MYH6: variants seen among roughly 807,000 people sequenced by gnomAD.
MYH6 encodes the protein myosin heavy chain 6.
In MYH6, 126 loss-of-function variants were observed where a neutral mutation model predicts 223.2. The observed-to-expected ratio is 0.56, with a 90% CI of 0.49 to 0.65. The LOEUF is 0.65. MYH6 is among the 30% of genes least tolerant of loss of function. The pLI is 0.00. For missense variants in MYH6, 2,040 were observed against 2,536.4 expected, an observed-to-expected ratio of 0.80 and a Z score of 4.20; for synonymous variants, 978 against 1,010.2, an observed-to-expected ratio of 0.97 and a Z score of 0.61.
At position 23,382,519 on chromosome 14, in the gene MYH6, T is replaced by A; in HGVS notation, c.5705A>T (p.Gln1902Leu). 1 of 1,614,180 alleles carries A rather than the reference T, an allele frequency of 6.2e-7. No individual in the cohort carries two copies. The change falls in exon 38 of 39, where the codon CAG (glutamine) becomes CTG (leucine). Residue 1902 changes from glutamine (Q) to leucine (L), a missense_variant. Around this residue, in one of 4 missense-constraint regions of MYH6, gnomAD observed 1,203 missense variants for 1,400.2 expected, o/e 0.86. Coordinates refer to ENST00000405093, the MANE Select transcript of MYH6 (RefSeq NM_002471.4). The part of the protein sequence containing the change: ...NTNLSKFRKV[Q>L]HELDEAEERA... ...CTCCTCTGCCTCATCCAGCTCATGC[T>A]GCACCTTGCGGAACTTGGACAGGTT...
At position 23,389,668 on chromosome 14, in the gene MYH6, G is replaced by C; in HGVS notation, c.3784C>G (p.Arg1262Gly). Residue 1262 changes from arginine to glycine, a missense_variant, in exon 27 of 39, where the codon CGC becomes GGC. Physicochemically the swap from Arg to Gly is moderately radical, Grantham distance 125. Coordinates refer to ENST00000405093, the MANE Select transcript of MYH6 (RefSeq NM_002471.4). ...RTLEDQANEY[R>G]VKLEEAQRSL... The stretch of plus-strand genomic sequence containing the variant: ...CGTTGGGCCTCTTCTAGCTTCACGC[G>C]GTACTCATTGGCCTGGTCCTCCAGC... 6.2e-7 allele frequency: 1 copy of C among 1,614,148 alleles called. No individual in the cohort carries two copies.
At chr14:23,401,096 T>G in intron 12 of MYH6, 119 bp from the exon 13 acceptor site, 5 of 1,485,620 alleles carry the variant, frequency 3.4e-6, no homozygotes, top group Admixed American at 2.0e-5. Context: ...AGCCTCCACC[T>G]CCTGGGTTCA....
chr14:23,403,659 A>C (rs1440088739), intron 9 of MYH6, 56 bp downstream of exon 9: 6 of 1,504,474 alleles, frequency 4.0e-6, no homozygotes, highest in Non-Finnish European at 4.6e-6. Flanking sequence ...GCCGCCAGGC[A>C]GGGAGAGAAG....
Position 23,400,737 on chromosome 14 carries a change from A to T in MYH6, c.1382T>A (p.Leu461Gln). The change falls in exon 13 of 39, where the codon CTG (leucine) becomes CAG (glutamine). Residue 461 changes from leucine (L) to glutamine (Q), a missense_variant. By Grantham distance (113) the Leu-to-Gln change is moderately radical. Coordinates refer to ENST00000405093, the MANE Select transcript of MYH6 (RefSeq NM_002471.4). ...KQPRQYFIGV[L>Q]DIAGFEIFDF... ...GAAGATCTCGAAGCCAGCGATGTCC[A>T]GGACTCCTATGAAGTACTGGCGTGG... 6.2e-7 allele frequency: 1 copy of T among 1,614,268 alleles called. No individual in the cohort carries two copies. The highest frequency in any genetic ancestry group is 1.1e-5 in the South Asian group (1 of 91,086).
At chr14:23,404,858 C>T (rs1251806012) in intron 6 of MYH6, 36 bp from the exon 7 acceptor site, 2 of 1,590,968 alleles carry the variant, frequency 1.3e-6, no homozygotes, top group Non-Finnish European at 1.7e-6. Flanking sequence ...ACTCAGGATT[C>T]CTACTGTTCT....
At chr14:23,382,649 T>C in intron 37 of MYH6, 87 bp from the exon 38 acceptor site, 1 of 1,599,734 alleles carries the variant, frequency 6.3e-7, no homozygotes, top group Non-Finnish European at 8.6e-7. Flanking sequence ...CAGCTCCCTG[T>C]CCCTGAGGCA....
chr14:23,383,341 G>GGGGGGGGGGGCCCCCCCCCCCCCCCCCC, intron 36 of MYH6, 21 bp from the exon 37 acceptor site: 1 of 556,576 alleles, frequency 1.8e-6, no homozygotes. Flanking sequence ...GAGGGTGGGA[G>GGGGGGGGGGGCCCCCCCCCCCCCCCCCC]AAGCTGGTTT....
At chr14:23,397,974 T>C (rs912008946) in intron 15 of MYH6, among the ~76,000 whole-genome samples, 25 of 135,936 alleles carry the variant, frequency 1.8e-4, no homozygotes, top group African/African-American at 6.6e-4. Flanking sequence ...CTTCTTCTTC[T>C]TCTTCTTCTT....
intron 6 of MYH6, 23 bp from the exon 7 acceptor site, chr14:23,404,845 A>G (rs1891731827): frequency 1.9e-6 from 3 of 1,603,952 alleles, no homozygotes; most frequent in Non-Finnish European, 2.6e-6. Context: ...GAGACCAATC[A>G]AAACTCAGGA....
At chr14:23,386,267 G>A in intron 33 of MYH6, 48 bp downstream of exon 33, 2 of 1,613,862 alleles carry the variant, frequency 1.2e-6, no homozygotes, top group Non-Finnish European at 1.7e-6. Flanking sequence ...TGCTTCTCCA[G>A]GCCACATGGA....
At position 23,386,075 on chromosome 14, in the gene MYH6, G is replaced by A. The variant is rs767859497; in HGVS notation, c.5016C>T (p.Asn1672=). The stretch of plus-strand genomic sequence containing the variant: ...TGTTGCGCCGCTCCACGATGGCGAT[G>A]TTCTCCTTCAGGTCGTCGTTGGCAC... The part of the protein sequence containing the change: ...AVRANDDLKE[N]IAIVERRNNL... The change falls in exon 34 of 39, where the codon AAC becomes AAT. Residue 1672 remains asparagine (N), a synonymous_variant. Transcript: ENST00000405093. 7 of 1,614,130 alleles carry A rather than the reference G, an allele frequency of 4.3e-6. No individual in the cohort carries two copies. The highest frequency in any genetic ancestry group is 4.0e-5 in the African/African-American group (3 of 74,940).
At position 23,405,879 on chromosome 14, in the gene MYH6, C is replaced by T. The variant is rs1374554030; in HGVS notation, c.202-109G>A. On this transcript the variant is annotated intron_variant, in intron 3 of 38. Transcript: ENST00000405093. The surrounding 1 kb of genome is among the most constrained non-coding windows in gnomAD (Gnocchi z 4.7). ...GGACACAGGGACTTGGCCTTGCTCC[C>T]CTTGCTCTGACCAGTGCCCCGGCCC... 2.1e-6 allele frequency: 3 copies of T among 1,439,870 alleles called. No individual in the cohort carries two copies. The highest frequency in any genetic ancestry group is 1.7e-5 in the Admixed American group (1 of 58,178). The allele number at this position is 1,439,870 out of a possible 1,614,324, so 89.2% of individuals were successfully genotyped here. A position where few individuals can be genotyped will look rare whatever the true frequency, so the allele number is the denominator to read the frequency against.
At position 23,403,164 on chromosome 14, in the gene MYH6, G is replaced by A. The variant is rs185203310; in HGVS notation, c.898+184C>T. 4.2e-3 allele frequency among the ~76,000 whole-genome samples: 636 copies of A among 152,144 alleles called. 7 individuals carry two copies. Among genetic ancestry groups the A allele is most frequent in the African/African-American group, 0.014 (575 of 41,482 alleles). ...GAGGTGTGTGACTGCACAGGGAGGC[G>A]AGAGGAGACGCAGGTGGTCTTGGGA... is the stretch of plus-strand genomic sequence containing the variant. On this transcript the variant is annotated intron_variant, in intron 10 of 38. Transcript: ENST00000405093.
Position 23,383,232 on chromosome 14 carries a change from T to C in MYH6, c.5654A>G (p.Glu1885Gly), listed in dbSNP as rs1442362401. The C allele has an allele frequency of 2.5e-6, 4 of 1,586,402 alleles. No individual in the cohort carries two copies. The East Asian group carries it at 7.1e-5, about 28-fold the overall frequency. The stretch of plus-strand genomic sequence containing the variant: ...AGAAAGCTCTGAACTCACCGCCTCC[T>C]CGGCCTGGCGCTTGTAGGCCTTGAC... Reference protein sequence around the residue: ...LKVKAYKRQAEEAEEQANTNL... With the variant: ...LKVKAYKRQAGEAEEQANTNL... The change falls in exon 37 of 39, where the codon GAG (glutamate) becomes GGG (glycine). Residue 1885 changes from glutamate (E) to glycine (G), a missense_variant. Glu to Gly is a moderately conservative substitution (Grantham distance 98). Transcript: ENST00000405093.
In MYH6 at chr14:23,402,684, C is replaced by G. The variant is rs1245919362; in HGVS notation, c.1002+13G>C. On this transcript the variant is annotated intron_variant, in intron 11 of 38. Transcript: ENST00000405093. ...GGGGTCCCTCGAACGGCCGCAGCAG[C>G]CCCCTCACTCACATCGGTGGCCATG... 6.2e-7 allele frequency: 1 copy of G among 1,613,426 alleles called. No homozygotes were observed. Among genetic ancestry groups the G allele is most frequent in the South Asian group, 1.1e-5 (1 of 91,046 alleles).
intron 17 of MYH6, 40 bp downstream of exon 17, chr14:23,397,130 C>T: frequency 1.9e-6 from 3 of 1,614,188 alleles, no homozygotes; most frequent in Non-Finnish European, 1.7e-6. Flanking sequence ...AAAGTGGATG[C>T]CAGCTGTCCT....
Position 23,407,443 on chromosome 14 carries a change from CT to C in MYH6, c.-14+132del. 1 of 1,154,458 alleles carries C rather than the reference CT, an allele frequency of 8.7e-7. No homozygotes were observed. Among genetic ancestry groups the C allele is most frequent in the Non-Finnish European group, 1.2e-6 (1 of 844,376 alleles). The allele number at this position is 1,154,458 out of a possible 1,614,324, so 71.5% of individuals were successfully genotyped here. ...AGGACAATCTCTGTAAGGGGTTTCCCTGGGGTGGCATTGGCTGGAGTATGCT... is the reference window on the plus strand; with the variant it reads ...AGGACAATCTCTGTAAGGGGTTTCCCGGGGTGGCATTGGCTGGAGTATGCT... On this transcript the variant is annotated intron_variant, in intron 2 of 38. Coordinates refer to ENST00000405093, the MANE Select transcript of MYH6 (RefSeq NM_002471.4). This position sits in a 1 kb window ranked among gnomAD's most constrained non-coding sequence, Gnocchi z 5.6.
Position 23,398,835 on chromosome 14 carries a change from A to T in MYH6, c.1784T>A (p.Leu595Gln), listed in dbSNP as rs751418733. 2.5e-6 allele frequency: 4 copies of T among 1,614,008 alleles called. No individual in the cohort carries two copies. In the Admixed American group the frequency reaches 6.7e-5, roughly 27 times the overall value. ...GTVDYNILGW[L>Q]EKNKDPLNET... The stretch of plus-strand genomic sequence containing the variant: ...GTTGAGAGGATCCTTGTTTTTTTCC[A>T]GCCAGCCCAGGATGTTGTAGTCCAC... Residue 595 changes from leucine (L) to glutamine (Q), a missense_variant, in exon 15 of 39, where the codon CTG becomes CAG. By Grantham distance (113) the Leu-to-Gln change is moderately radical. Transcript: ENST00000405093.
At chr14:23,382,377 G>C (rs1566503433) in intron 38 of MYH6, 51 bp downstream of exon 38, 1 of 1,612,328 alleles carries the variant, frequency 6.2e-7, no homozygotes, top group East Asian at 2.2e-5. Context: ...ACCCATATCA[G>C]GGGGCATGCT....
Sources: gnomAD v4.1 joint callset for allele counts (sites outside exome capture counted in the v4.1 genomes callset) on GRCh38, gnomAD v4.1.1 for gene constraint, gnomAD v4.1.1 regional missense constraint, Gnocchi (gnomAD v3.1) non-coding constraint, MANE v1.5 for transcripts, NCBI Gene and HGNC (gene_info 2026-07-23, HGNC 2026-07-21) for gene names.